Variants in PCLO observed in about 807,000 individuals in gnomAD.
PCLO encodes the protein protein piccolo.
A neutral mutation model predicts 427.5 loss-of-function variants in PCLO; 82 were observed. The ratio of observed to expected loss-of-function variants is 0.19; its 90% CI spans 0.16 to 0.23. The LOEUF (loss-of-function observed/expected upper bound fraction) is 0.23. Among genes scored for constraint, PCLO ranks in the 10% least tolerant of loss-of-function variants. The probability of loss-of-function intolerance (pLI) is 1.00; values close to 1 mark genes in which losing one functional copy is unlikely to be tolerated. For synonymous variants in PCLO, 2,357 were observed against 2,155.4 expected, an observed-to-expected ratio of 1.09 and a Z score of -2.59; for missense variants, 6,239 against 6,115.9, an observed-to-expected ratio of 1.02 and a Z score of -0.67.
intron 22 of PCLO, among the ~76,000 whole-genome samples, chr7:82,789,829 A>G (rs372328897): frequency 6.6e-6 from 1 of 152,174 alleles, no homozygotes; most frequent in Non-Finnish European, 1.5e-5. Flanking sequence ...AAATCCCGTG[A>G]AGGTTTGCTT....
intron 3 of PCLO, among the ~76,000 whole-genome samples, chr7:83,113,129 C>T (rs1791046717): frequency 6.6e-6 from 1 of 152,232 alleles, no homozygotes; most frequent in Non-Finnish European, 1.5e-5. Context: ...CATGTATTTA[C>T]TTCCTAATCG....
chr7:82,960,246 T>C (rs1382237522), intron 4 of PCLO, among the ~76,000 whole-genome samples: 2 of 152,210 alleles, frequency 1.3e-5, no homozygotes, highest in African/African-American at 4.8e-5. Context: ...TCAATGCAGA[T>C]TACTGATTTG....
intron 3 of PCLO, among the ~76,000 whole-genome samples, chr7:83,084,120 T>C (rs1583999651): frequency 6.6e-6 from 1 of 152,272 alleles, no homozygotes; most frequent in African/African-American, 2.4e-5. Context: ...CACGCAATTC[T>C]AGACCATCTA....
At chr7:83,094,942 T>A (rs1230689956) in intron 3 of PCLO, among the ~76,000 whole-genome samples, 3 of 152,194 alleles carry the variant, frequency 2.0e-5, no homozygotes, top group African/African-American at 7.2e-5. Context: ...TTGTACCGTC[T>A]TTGTTTTGTT....
chr7:82,825,606 G>A (rs1357666214), intron 18 of PCLO, among the ~76,000 whole-genome samples: 1 of 148,178 alleles, frequency 6.7e-6, no homozygotes, highest in Non-Finnish European at 1.5e-5. Context: ...ACTAAACAAT[G>A]TGTATGTGTG....
intron 20 of PCLO, chr7:82,820,425 T>C (rs1180036902): frequency 1.2e-6 from 1 of 858,214 alleles, no homozygotes; most frequent in African/African-American, 1.8e-5. Context: ...AAAACAAAAC[T>C]GACACATTCA....
In PCLO at chr7:82,824,405, A is replaced by G. The variant is rs1334567192; in HGVS notation, c.14427T>C (p.Asp4809=). The change falls in exon 19 of 25, where the codon GAT becomes GAC. Residue 4809 remains aspartate (D), a synonymous_variant. Coordinates refer to ENST00000333891, the MANE Select transcript of PCLO (RefSeq NM_033026.6). ...SNDFLGEVLI[D]LSSTSHLDNT... Reference sequence around the variant, plus strand: ...TATCGAGGTGAGATGTGCTAGATAAATCAATCAATACCTGAAAAAAAGTGT... The same window carrying G: ...TATCGAGGTGAGATGTGCTAGATAAGTCAATCAATACCTGAAAAAAAGTGT... 1 of 1,589,250 alleles carries G rather than the reference A, an allele frequency of 6.3e-7. No homozygotes were observed.
At chr7:83,010,694 A>G (rs1198047164) in intron 3 of PCLO, among the ~76,000 whole-genome samples, 1 of 151,732 alleles carries the variant, frequency 6.6e-6, no homozygotes, top group African/African-American at 2.4e-5. Context: ...GTTTATCCCT[A>G]TCTGAAGCAT....
At chr7:83,087,078 G>C (rs1351152946) in intron 3 of PCLO, among the ~76,000 whole-genome samples, 1 of 127,326 alleles carries the variant, frequency 7.9e-6, no homozygotes, top group Non-Finnish European at 1.6e-5. Flanking sequence ...TAGGGTGGGG[G>C]GAAGGGGGAG....
At chr7:82,786,862 T>C (rs1790995752) in intron 22 of PCLO, among the ~76,000 whole-genome samples, 1 of 152,138 alleles carries the variant, frequency 6.6e-6, no homozygotes, top group Non-Finnish European at 1.5e-5. Flanking sequence ...GTCCTTGTGT[T>C]AGTTTGCTGA....
At chr7:82,818,134 C>G (rs1250943986) in intron 20 of PCLO, among the ~76,000 whole-genome samples, 1 of 152,068 alleles carries the variant, frequency 6.6e-6, no homozygotes, top group Non-Finnish European at 1.5e-5. Flanking sequence ...TTTTTAACTA[C>G]GGAGAGTTGT....
chr7:82,950,271 C>G lies in PCLO; in HGVS notation c.10317G>C (p.Lys3439Asn). The G allele has an allele frequency of 6.2e-7, 1 of 1,613,374 alleles. No individual in the cohort carries two copies. The highest frequency in any genetic ancestry group is 8.5e-7 in the Non-Finnish European group (1 of 1,179,796). Reference sequence around the variant, plus strand: ...CCGTTTGTACACCACTGTCCACTATCTTTTTAAAACTTCGGGGATCATCTG... The same window carrying G: ...CCGTTTGTACACCACTGTCCACTATGTTTTTAAAACTTCGGGGATCATCTG... ...NMTDDPRSFKKIVDSGVQTDD... is the reference protein window; with the variant it reads ...NMTDDPRSFKNIVDSGVQTDD... The change falls in exon 6 of 25, where the codon AAG becomes AAC. Residue 3439 changes from lysine (K) to asparagine (N), a missense_variant. Lys to Asn is a moderately conservative substitution (Grantham distance 94, BLOSUM62 0). Coordinates refer to ENST00000333891, the MANE Select transcript of PCLO (RefSeq NM_033026.6).
At chr7:82,941,413 G>A (rs976740055) in intron 6 of PCLO, among the ~76,000 whole-genome samples, 1 of 152,072 alleles carries the variant, frequency 6.6e-6, no homozygotes, top group Admixed American at 6.6e-5. Context: ...ATACATAATA[G>A]TACCAGCAGA....
rs545286720 is a variant in PCLO, at chr7:83,087,010, C to G, written c.3300+47240G>C. Among the ~76,000 whole-genome samples the G allele has an allele frequency of 1.4e-4, 18 of 132,774 alleles. No individual in the cohort carries two copies. In the Admixed American group the frequency reaches 1.5e-3, roughly 11 times the overall value. The allele number at this position is 132,774 out of a possible 152,430, so 87.1% of individuals were successfully genotyped here. A position where few individuals can be genotyped will look rare whatever the true frequency, so the allele number is the denominator to read the frequency against. ...GCATGTTCTCACTCATAGGTGGGAA[C>G]TGAACAATGAAAACACTTGGACACA... is the stretch of plus-strand genomic sequence containing the variant. On this transcript the variant is annotated intron_variant, in intron 3 of 24. Transcript: ENST00000333891.
chr7:82,843,546 T>A (rs568455786), intron 13 of PCLO, among the ~76,000 whole-genome samples: 30 of 152,150 alleles, frequency 2.0e-4, no homozygotes, highest in East Asian at 5.8e-4. Context: ...TTAAAAAAAA[T>A]TTTTTTAAGC....
chr7:83,132,304 A>G (rs1791594651), intron 3 of PCLO, among the ~76,000 whole-genome samples: 2 of 152,126 alleles, frequency 1.3e-5, no homozygotes, highest in African/African-American at 4.8e-5. Flanking sequence ...AATAATTTGA[A>G]CAATGAATGA....
chr7:82,821,963 G>C (rs1349316607), intron 20 of PCLO: 77 of 985,958 alleles, frequency 7.8e-5, no homozygotes, highest in Non-Finnish European at 8.8e-5. Flanking sequence ...TTAAAGCACT[G>C]TCTTGAAATG....
At chr7:82,947,647 G>A (rs1043214188) in intron 6 of PCLO, among the ~76,000 whole-genome samples, 3 of 152,082 alleles carry the variant, frequency 2.0e-5, no homozygotes, top group Non-Finnish European at 2.9e-5. Flanking sequence ...ATTAAAGAAT[G>A]CATTTAACTT....
chr7:83,049,162 G>GC (rs1789172991), intron 3 of PCLO, among the ~76,000 whole-genome samples: 1 of 152,098 alleles, frequency 6.6e-6, no homozygotes, highest in South Asian at 2.1e-4. Flanking sequence ...CTTTCAGCCT[G>GC]CTCTGTCAGT....
Sources: allele counts gnomAD v4.1 joint callset (sites outside exome capture counted in the v4.1 genomes callset), GRCh38; gene constraint gnomAD v4.1.1; transcripts MANE v1.5; gene names NCBI Gene and HGNC (gene_info 2026-07-23, HGNC 2026-07-21).